Variants in GET1 observed in about 807,000 individuals in gnomAD.
GET1 encodes the protein congenital heart disease 5 protein.
A neutral mutation model predicts 22.6 loss-of-function variants in GET1; 20 were observed. The observed-to-expected ratio is 0.89, with a 90% CI of 0.62 to 1.29. The LOEUF is 1.29. Among genes scored for constraint, GET1 ranks in the 50% most tolerant of loss-of-function variants. GET1 has a pLI of 0.00. For synonymous variants in GET1, 92 were observed against 83.8 expected (o/e 1.10, Z -0.53); for missense variants, 209 against 219.9 (o/e 0.95, Z 0.31).
intron 4 of GET1, among the ~76,000 whole-genome samples, chr21:39,396,223 G>A (rs536547882): frequency 7.2e-5 from 11 of 152,166 alleles, no homozygotes; most frequent in African/African-American, 2.4e-4. Flanking sequence ...TGGTGAAACC[G>A]TGTCTGTACT....
intron 1 of GET1, chr21:39,423,343 T>G: frequency 6.2e-7 from 1 of 1,613,186 alleles, no homozygotes; most frequent in Non-Finnish European, 8.5e-7. Context: ...ATCAGCTAAT[T>G]CATTTTTTAG....
chr21:39,414,742 C>CTCTCTCTGTGTGTGTGTGTGTG (rs1341489035), intron 1 of GET1, among the ~76,000 whole-genome samples: 2 of 99,236 alleles, frequency 2.0e-5, no homozygotes, highest in African/African-American at 8.8e-5. Context: ...CTCTCTCTCT[C>CTCTCTCTGTGTGTGTGTGTGTG]TGTGTGTGTG....
At chr21:39,403,520 G>T (rs1047368197) in intron 4 of GET1, among the ~76,000 whole-genome samples, 2 of 145,164 alleles carry the variant, frequency 1.4e-5, no homozygotes, top group African/African-American at 2.7e-5. Context: ...TAGAGACGGG[G>T]TTCACCGTGT....
intron 2 of GET1, chr21:39,391,453 A>G (rs1243412326): frequency 1.2e-5 from 4 of 334,264 alleles, no homozygotes; most frequent in African/African-American, 8.9e-5. Flanking sequence ...ACTGGGAAAT[A>G]AGGAGGAAAA....
At chr21:39,387,580 G>A (rs981039661) in intron 1 of GET1, among the ~76,000 whole-genome samples, 1 of 152,108 alleles carries the variant, frequency 6.6e-6, no homozygotes, top group African/African-American at 2.4e-5. Context: ...ACCACAAAGA[G>A]AGCTGGATTT....
At chr21:39,396,444 C>T (rs988384333) in intron 4 of GET1, among the ~76,000 whole-genome samples, 3 of 152,046 alleles carry the variant, frequency 2.0e-5, no homozygotes, top group Admixed American at 6.5e-5. Flanking sequence ...AGGACAATGG[C>T]GTGAACCCGG....
intron 4 of GET1, among the ~76,000 whole-genome samples, chr21:39,396,519 C>G (rs904977661): frequency 6.6e-6 from 1 of 151,320 alleles, no homozygotes; most frequent in African/African-American, 2.4e-5. Context: ...CAGAGCGAGA[C>G]TCTGTCTCAA....
At chr21:39,400,257 T>G (rs2038807856), downstream of GET1, among the ~76,000 whole-genome samples, 1 of 152,238 alleles carries the variant, frequency 6.6e-6, no homozygotes, top group Non-Finnish European at 1.5e-5. Flanking sequence ...GTGGTTTCCT[T>G]TCTTTCCCAT....
chr21:39,399,285 T>TA (rs2038780274), downstream of GET1, among the ~76,000 whole-genome samples: 1 of 151,418 alleles, frequency 6.6e-6, no homozygotes, highest in Non-Finnish European at 1.5e-5. Flanking sequence ...CTATTTACTG[T>TA]TTTTTTTTAA....
At chr21:39,398,871 C>T (rs1309847141), downstream of GET1, among the ~76,000 whole-genome samples, 1 of 152,038 alleles carries the variant, frequency 6.6e-6, no homozygotes, top group Non-Finnish European at 1.5e-5. Context: ...TCCCAAAGTG[C>T]TGGGATTACA....
intron 4 of GET1, among the ~76,000 whole-genome samples, chr21:39,403,390 G>A (rs1334509109): frequency 6.6e-6 from 1 of 152,038 alleles, no homozygotes; most frequent in Non-Finnish European, 1.5e-5. Context: ...GCAGTGGTGC[G>A]ATCTCGGCTC....
At chr21:39,385,716 G>A (rs532185050) in intron 1 of GET1, among the ~76,000 whole-genome samples, 1 of 152,268 alleles carries the variant, frequency 6.6e-6, no homozygotes, top group African/African-American at 2.4e-5. Flanking sequence ...GACTGGCCCG[G>A]GCTCAAGGTC....
At chr21:39,414,960 G>A (rs566349799) in intron 1 of GET1, among the ~76,000 whole-genome samples, 5 of 152,194 alleles carry the variant, frequency 3.3e-5, no homozygotes, top group African/African-American at 1.2e-4. Context: ...TGCCCAGGCT[G>A]GAGTGCAGTG....
chr21:39,426,952 C>CA (rs542286938), intron 1 of GET1, among the ~76,000 whole-genome samples: 68 of 152,196 alleles, frequency 4.5e-4, no homozygotes, highest in African/African-American at 1.5e-3. Flanking sequence ...CACATAGACA[C>CA]AAAAAAATGC....
At chr21:39,389,339 T>A (rs2038143893) in intron 1 of GET1, among the ~76,000 whole-genome samples, 1 of 151,778 alleles carries the variant, frequency 6.6e-6, no homozygotes, top group Non-Finnish European at 1.5e-5. Flanking sequence ...TGGAGTCCCA[T>A]GGCATGATCT....
chr21:39,420,586 T>C, intron 1 of GET1: 1 of 640,724 alleles, frequency 1.6e-6, no homozygotes, highest in Non-Finnish European at 2.4e-6. Flanking sequence ...CTACAAAGGG[T>C]AGAGGAGCCT....
intron 4 of GET1, among the ~76,000 whole-genome samples, chr21:39,396,613 G>A (rs2038666584): frequency 1.3e-5 from 2 of 151,410 alleles, no homozygotes; most frequent in Non-Finnish European, 2.9e-5. Context: ...CTTGAGCCCG[G>A]GAGGCAGAGG....
intron 2 of GET1, 172 bp downstream of exon 2, chr21:39,391,035 G>A: frequency 1.6e-6 from 1 of 636,114 alleles, no homozygotes; most frequent in Non-Finnish European, 2.5e-6. Flanking sequence ...CTTATTTGCT[G>A]GTGAACCTTT....
chr21:39,402,586 C>G (rs536544194), downstream of GET1, among the ~76,000 whole-genome samples: 9 of 152,320 alleles, frequency 5.9e-5, no homozygotes, highest in African/African-American at 2.2e-4. Flanking sequence ...TAGTGCTTTG[C>G]TTACTTATCT....
Sources: gnomAD v4.1 joint callset for allele counts (sites outside exome capture counted in the v4.1 genomes callset) on GRCh38, gnomAD v4.1.1 for gene constraint, MANE v1.5 for transcripts, NCBI Gene and HGNC (gene_info 2026-07-23, HGNC 2026-07-21) for gene names.